The following PARP2 variants were observed in gnomAD, a reference collection of about 807,000 sequenced individuals.
PARP2 encodes poly(ADP-ribose) polymerase 2, also known as poly [ADP-ribose] polymerase 2.
A neutral mutation model predicts 77.8 loss-of-function variants in PARP2; 57 were observed. That is an observed-to-expected ratio of 0.73 (90% confidence interval 0.59 to 0.91). The LOEUF (loss-of-function observed/expected upper bound fraction) is 0.91, where lower values mean the gene tolerates loss of function less well. PARP2 is among the 40% of genes least tolerant of loss of function. The pLI, the probability that PARP2 is intolerant of heterozygous loss-of-function variation, is 0.00. For synonymous variants in PARP2, 226 were observed against 242.6 expected, an observed-to-expected ratio of 0.93 and a Z score of 0.64; for missense variants, 651 against 689.0, an observed-to-expected ratio of 0.94 and a Z score of 0.62.
intron 6 of PARP2, among the ~76,000 whole-genome samples, chr14:20,351,716 A>G (rs767769725): frequency 6.8e-6 from 1 of 146,768 alleles, no homozygotes; most frequent in Non-Finnish European, 1.5e-5. Flanking sequence ...CTATCCTGGG[A>G]TAGATAATAT....
intron 12 of PARP2, 59 bp from the exon 13 acceptor site, chr14:20,356,531 T>A: frequency 1.9e-6 from 3 of 1,601,260 alleles, no homozygotes; most frequent in Non-Finnish European, 2.6e-6. Context: ...TTGGCTTTTT[T>A]ATGCTTATGG....
chr14:20,351,505 C>A (rs1883954058), intron 6 of PARP2, among the ~76,000 whole-genome samples: 1 of 152,086 alleles, frequency 6.6e-6, no homozygotes, highest in South Asian at 2.1e-4. Context: ...AAGTGTGTGG[C>A]TTATAAAAAA....
intron 3 of PARP2, 42 bp downstream of exon 3, chr14:20,345,506 A>C: frequency 4.1e-3 from 5,456 of 1,340,564 alleles, no homozygotes; most frequent in Non-Finnish European, 5.4e-3. Flanking sequence ...TGGATATCTC[A>C]GAGAGCATCC....
At chr14:20,346,689 A>G (rs561674550) in intron 3 of PARP2, 174 bp from the exon 4 acceptor site, 2 of 539,628 alleles carry the variant, frequency 3.7e-6, no homozygotes, top group African/African-American at 1.9e-5. Context: ...CATTTATAGT[A>G]AGGTTACACC....
intron 4 of PARP2, among the ~76,000 whole-genome samples, chr14:20,347,375 TA>T (rs1883786173): frequency 5.6e-5 from 1 of 17,774 alleles, no homozygotes; most frequent in Non-Finnish European, 1.2e-4. Context: ...TATATATATA[TA>T]TATATATATA....
chr14:20,357,030 G>A, intron 13 of PARP2, 21 bp from the exon 14 acceptor site: 1 of 1,453,386 alleles, frequency 6.9e-7, no homozygotes, highest in Non-Finnish European at 9.7e-7. Flanking sequence ...GCTGACCTTG[G>A]TATTCATGTA....
rs778131797 is a variant in PARP2, at chr14:20,351,099, G to A, written c.474G>A (p.Lys158=). The change falls in exon 6 of 16, where the codon AAG becomes AAA. Residue 158 remains lysine (K), a synonymous_variant. Coordinates refer to ENST00000429687, the MANE Select transcript of PARP2 (RefSeq NM_001042618.2). ...SLVACSGNLN[K]AKEIFQKKFL... is the part of the protein sequence containing the mutation. ...TGGCTTGTTCAGGCAATCTCAACAA[G>A]GCCAAGGAAATCTTTCAGAAGAAGT... 19 of 1,613,764 alleles carry A rather than the reference G, an allele frequency of 1.2e-5. No individual in the cohort carries two copies. The highest frequency in any genetic ancestry group is 1.5e-5 in the Non-Finnish European group (18 of 1,179,820).
In PARP2 at chr14:20,345,054, G is replaced by C. The variant is rs1883661724; in HGVS notation, c.169G>C (p.Ala57Pro). The stretch of plus-strand genomic sequence containing the variant: ...AAAGATGCCTGTGGCTGGAGGAAAA[G>C]CTAATAAGGACAGGACAGAAGACAA... ...SKKMPVAGGKANKDRTEDKQD... is the reference protein window; with the variant it reads ...SKKMPVAGGKPNKDRTEDKQD... The change falls in exon 2 of 16, where the codon GCT becomes CCT. Residue 57 changes from alanine to proline, a missense_variant. By Grantham distance (27) the Ala-to-Pro change is conservative (BLOSUM62 -1). Transcript: ENST00000429687. The C allele has an allele frequency of 6.2e-7, 1 of 1,614,026 alleles. No individual in the cohort carries two copies. The highest frequency in any genetic ancestry group is 1.3e-5 in the African/African-American group (1 of 74,914).
In PARP2 at chr14:20,350,584, C is replaced by T; in HGVS notation, c.383C>T (p.Ala128Val). ...YYLIQLLEDD[A>V]QRNFSVWMRW... ...CTGATTCAGCTATTAGAAGATGATGCCCAGAGGAACTTCAGTGTTTGGATG... is the reference window on the plus strand; with the variant it reads ...CTGATTCAGCTATTAGAAGATGATGTCCAGAGGAACTTCAGTGTTTGGATG... The change falls in exon 5 of 16, where the codon GCC becomes GTC. Residue 128 changes from alanine to valine, a missense_variant. Physicochemically the swap from Ala to Val is moderately conservative, Grantham distance 64. Coordinates refer to ENST00000429687, the MANE Select transcript of PARP2 (RefSeq NM_001042618.2). 1 of 1,610,090 alleles carries T rather than the reference C, an allele frequency of 6.2e-7. No homozygotes were observed. Among genetic ancestry groups the T allele is most frequent in the South Asian group, 1.1e-5 (1 of 90,970 alleles).
intron 1 of PARP2, among the ~76,000 whole-genome samples, chr14:20,344,556 C>T (rs1035011122): frequency 6.6e-6 from 1 of 152,224 alleles, no homozygotes; most frequent in East Asian, 1.9e-4. Context: ...AGGTGGCTCA[C>T]GCCTGTAATC....
rs1254901419 is a variant in PARP2, at chr14:20,347,350, GTGTGTGTATATATATATATA to G, written c.324+439_324+458del. Among the ~76,000 whole-genome samples, 378 of 48,964 alleles carry G rather than the reference GTGTGTGTATATATATATATA, an allele frequency of 7.7e-3. 13 individuals carry two copies. The highest frequency in any genetic ancestry group is 0.049 in the African/African-American group (358 of 7,316). 32.1% of individuals were successfully genotyped at this position (48,964 alleles called of 152,430 possible). On this transcript the variant is annotated intron_variant, in intron 4 of 15. Transcript: ENST00000429687. ...GCCTTGCCTAAAGTCCTTCATATGT[GTGTGTGTATATATATATATA>G]TATATATATATATATATATATATAT...
At chr14:20,354,280 CT>C in intron 8 of PARP2, 33 bp downstream of exon 8, 1 of 1,521,140 alleles carries the variant, frequency 6.6e-7, no homozygotes, top group Non-Finnish European at 9.1e-7. Flanking sequence ...GCATTCTCTC[CT>C]TATAATTCCT....
chr14:20,354,987 A>G (rs1318799270), intron 9 of PARP2, 40 bp downstream of exon 9: 17 of 1,558,746 alleles, frequency 1.1e-5, no homozygotes, highest in Admixed American at 1.8e-5. Flanking sequence ...TCTTCTACCT[A>G]TACATATCCC....
At chr14:20,350,425 T>G (rs879053105) in intron 4 of PARP2, 101 bp from the exon 5 acceptor site, 1 of 617,846 alleles carries the variant, frequency 1.6e-6, no homozygotes, top group South Asian at 2.2e-5. Context: ...TCCTTTTCCT[T>G]ATGGAAATAA....
chr14:20,356,051 A>G lies in PARP2; in HGVS notation c.1101+20A>G, dbSNP rs750779199. On this transcript the variant is annotated intron_variant, in intron 11 of 15. Transcript: ENST00000429687. Reference sequence around the variant, plus strand: ...TTCAAAGTAAGAAAAATGATCATTTATTTTCATATTCTTGCACCCTTAACC... The same window carrying G: ...TTCAAAGTAAGAAAAATGATCATTTGTTTTCATATTCTTGCACCCTTAACC... The G allele has an allele frequency of 1.4e-5, 23 of 1,612,128 alleles. No individual in the cohort carries two copies. In the South Asian group the frequency reaches 2.5e-4, roughly 18 times the overall value.
In PARP2 at chr14:20,352,309, TATG is replaced by T. The variant is rs1365714741; in HGVS notation, c.565_567del (p.Asp189del). On this transcript the variant is annotated inframe_deletion, in exon 7 of 16. Coordinates refer to ENST00000429687, the MANE Select transcript of PARP2 (RefSeq NM_001042618.2). ...AAAGTTTGAGAAGGTGCCTGGAAAA[TATG>T]ATATGCTACAGATGGACTATGCCAC... The T allele has an allele frequency of 3.1e-6, 5 of 1,611,694 alleles. No individual in the cohort carries two copies. Among genetic ancestry groups the T allele is most frequent in the Admixed American group, 3.3e-5 (2 of 59,994 alleles).
intron 8 of PARP2, chr14:20,354,560 GGT>G: frequency 1.8e-6 from 1 of 542,838 alleles, no homozygotes. Context: ...AGCCAGGCAT[GGT>G]GGTGTGTGCC....
chr14:20,344,797 A>T (rs1377413694), intron 1 of PARP2, 135 bp from the exon 2 acceptor site: 13 of 651,524 alleles, frequency 2.0e-5, no homozygotes, highest in Non-Finnish European at 3.5e-5. Context: ...TGGGCGAGAG[A>T]GTGAGACTCC....
intron 4 of PARP2, among the ~76,000 whole-genome samples, chr14:20,347,722 TTAA>T (rs1440381649): frequency 2.0e-5 from 3 of 151,794 alleles, no homozygotes; most frequent in East Asian, 3.9e-4. Flanking sequence ...GTCCTTTATA[TTAA>T]TATTAGCCAT....
Sources: gnomAD v4.1 joint callset for allele counts (sites outside exome capture counted in the v4.1 genomes callset) on GRCh38, gnomAD v4.1.1 for gene constraint, MANE v1.5 for transcripts, NCBI Gene and HGNC (gene_info 2026-07-23, HGNC 2026-07-21) for gene names.